RERE: variants seen among roughly 807,000 people sequenced by gnomAD.
The protein encoded by RERE is arginine-glutamic acid dipeptide repeats protein.
RERE carries 40 observed loss-of-function variants against 146.1 expected under a neutral mutation model. The observed-to-expected ratio is 0.27, with a 90% CI of 0.21 to 0.36. RERE has a LOEUF of 0.36. RERE is among the 10% of genes least tolerant of loss of function. The pLI is 1.00. For synonymous variants in RERE, 1,003 were observed against 866.0 expected (o/e 1.16, Z -2.78); for missense variants, 1,933 against 2,138.7 (o/e 0.90, Z 1.90).
chr1:8,433,420 A>C (rs551985265), intron 11 of RERE, among the ~76,000 whole-genome samples: 1 of 152,228 alleles, frequency 6.6e-6, no homozygotes, highest in African/African-American at 2.4e-5. Context: ...CTCTCTGGAC[A>C]TGTGTCTTTG....
rs879793667 is a variant in RERE, at chr1:8,360,255, C to T, written c.3252G>A (p.Ser1084=). The T allele has an allele frequency of 3.2e-5, 51 of 1,575,406 alleles. No individual in the cohort carries two copies. Among genetic ancestry groups the T allele is most frequent in the African/African-American group, 4.1e-5 (3 of 73,944 alleles). Residue 1084 remains serine, a synonymous_variant, in exon 18 of 23, where the codon TCG becomes TCA. Coordinates refer to ENST00000400908, the MANE Select transcript of RERE (RefSeq NM_001042681.2). The part of the protein sequence containing the change: ...AASGGSIAGG[S]SCPLPTVQIK... The stretch of plus-strand genomic sequence containing the variant: ...TCTGGACGGTGGGGAGTGGGCAGGA[C>T]GACCCCCCCGCTATGCTGCCTCCTG...
chr1:8,649,666 G>A (rs1647506907), intron 2 of RERE, among the ~76,000 whole-genome samples: 1 of 150,486 alleles, frequency 6.6e-6, no homozygotes, highest in African/African-American at 2.5e-5. Context: ...GGAGGCGGAG[G>A]TTGCAGTGAG....
intron 7 of RERE, among the ~76,000 whole-genome samples, chr1:8,520,316 C>T (rs1477837863): frequency 6.6e-6 from 1 of 152,114 alleles, no homozygotes; most frequent in Non-Finnish European, 1.5e-5. Context: ...GAGTTAATTA[C>T]TGAAGAAGAC....
chr1:8,359,342 C>T (rs80307790), intron 19 of RERE, among the ~76,000 whole-genome samples: 7,758 of 152,258 alleles, frequency 0.051, 676 homozygotes, highest in African/African-American at 0.18. Context: ...ACCCAGCCCA[C>T]GAGGGGGCCA....
intron 11 of RERE, among the ~76,000 whole-genome samples, chr1:8,437,842 G>A (rs1644191431): frequency 6.6e-6 from 1 of 152,038 alleles, no homozygotes; most frequent in South Asian, 2.1e-4. Flanking sequence ...TCAGATTACT[G>A]CTAACCCAGG....
At chr1:8,487,556 C>T in intron 10 of RERE, among the ~76,000 whole-genome samples, 1 of 152,090 alleles carries the variant, frequency 6.6e-6, no homozygotes, top group Admixed American at 6.6e-5. Flanking sequence ...CCAGCCTGGG[C>T]AATAGACCCT....
chr1:8,641,855 C>T (rs1647183650), intron 2 of RERE, among the ~76,000 whole-genome samples: 1 of 152,160 alleles, frequency 6.6e-6, no homozygotes, highest in African/African-American at 2.4e-5. Context: ...GGCCAGGAGC[C>T]ATCCCCTTTT....
At chr1:8,556,840 T>C (rs1031319198) in intron 5 of RERE, among the ~76,000 whole-genome samples, 1 of 152,060 alleles carries the variant, frequency 6.6e-6, no homozygotes, top group Non-Finnish European at 1.5e-5. Flanking sequence ...TAAGCACAAA[T>C]GGAAAAAGAA....
intron 4 of RERE, among the ~76,000 whole-genome samples, chr1:8,606,511 C>T (rs1036494356): frequency 2.0e-5 from 3 of 152,144 alleles, no homozygotes; most frequent in Non-Finnish European, 4.4e-5. Flanking sequence ...TCAATCTCCT[C>T]ATTTTATGAA....
chr1:8,730,279 G>A (rs377343400), intron 1 of RERE, among the ~76,000 whole-genome samples: 14 of 152,276 alleles, frequency 9.2e-5, no homozygotes, highest in South Asian at 2.1e-4. Flanking sequence ...GTTCTAGTCC[G>A]GGTTTTGACT....
chr1:8,352,835 T>G lies in RERE; in HGVS notation c.*2252A>C, dbSNP rs1177699632. The G allele has an allele frequency of 6.6e-6, 1 of 152,464 alleles. No individual in the cohort carries two copies. Among genetic ancestry groups the G allele is most frequent in the Non-Finnish European group, 1.5e-5 (1 of 68,048 alleles). 9.4% of individuals were successfully genotyped at this position (152,464 alleles called of 1,614,324 possible). A position where few individuals can be genotyped will look rare whatever the true frequency, so the allele number is the denominator to read the frequency against. On this transcript the variant is annotated 3_prime_UTR_variant, in exon 23 of 23. Coordinates refer to ENST00000400908, the MANE Select transcript of RERE (RefSeq NM_001042681.2). ...AATCTCAGCGCTTCGCCTTGGGATATGGGGAGAAAAGCAAAGCTAACAAGA... is the reference window on the plus strand; with the variant it reads ...AATCTCAGCGCTTCGCCTTGGGATAGGGGGAGAAAAGCAAAGCTAACAAGA...
At chr1:8,731,411 G>C (rs1189898089) in intron 1 of RERE, among the ~76,000 whole-genome samples, 2 of 152,194 alleles carry the variant, frequency 1.3e-5, no homozygotes, top group South Asian at 2.1e-4. Context: ...CCTGGGGAAA[G>C]GACAATTACT....
At position 8,360,597 on chromosome 1, in the gene RERE, C is replaced by T; in HGVS notation, c.2910G>A (p.Lys970=). 6.7e-7 allele frequency: 1 copy of T among 1,493,016 alleles called. No individual in the cohort carries two copies. The highest frequency in any genetic ancestry group is 2.4e-5 in the East Asian group (1 of 41,596). 92.5% of individuals were successfully genotyped at this position (1,493,016 alleles called of 1,614,324 possible). Residue 970 remains lysine (K), a synonymous_variant, in exon 18 of 23, where the codon AAG becomes AAA. Coordinates refer to ENST00000400908, the MANE Select transcript of RERE (RefSeq NM_001042681.2). ...GATGTGTGGACAGGGAGCTCAGGGG[C>T]TTCAGGGCTGGAGGGGGAGGCAGGT... ...NANLPPPPAL[K]PLSSLSTHHP...
chr1:8,548,899 G>T (rs977704895), intron 6 of RERE, among the ~76,000 whole-genome samples: 2 of 152,098 alleles, frequency 1.3e-5, no homozygotes, highest in Non-Finnish European at 2.9e-5. Flanking sequence ...GCAGAGAATT[G>T]CATGAACCCA....
At chr1:8,719,695 G>A (rs1639825356) in intron 1 of RERE, among the ~76,000 whole-genome samples, 1 of 152,074 alleles carries the variant, frequency 6.6e-6, no homozygotes, top group Non-Finnish European at 1.5e-5. Flanking sequence ...CTCTGGACAA[G>A]CGAAAGTAAG....
At chr1:8,367,179 C>A (rs1641843155) in intron 12 of RERE, among the ~76,000 whole-genome samples, 1 of 152,160 alleles carries the variant, frequency 6.6e-6, no homozygotes, top group African/African-American at 2.4e-5. Context: ...CTAAAATAGA[C>A]AAACCAAACA....
At chr1:8,430,216 T>C (rs77132113) in intron 11 of RERE, among the ~76,000 whole-genome samples, 2 of 152,298 alleles carry the variant, frequency 1.3e-5, no homozygotes, top group African/African-American at 4.8e-5. Context: ...GTTTTACATA[T>C]TTAACATTTT....
At chr1:8,487,938 T>G (rs928272940) in intron 10 of RERE, among the ~76,000 whole-genome samples, 2 of 152,118 alleles carry the variant, frequency 1.3e-5, no homozygotes, top group Non-Finnish European at 2.9e-5. Flanking sequence ...CCAAAAAATC[T>G]TATTGTAAGA....
chr1:8,587,154 G>A (rs939629429), intron 4 of RERE, among the ~76,000 whole-genome samples: 1 of 152,152 alleles, frequency 6.6e-6, no homozygotes, highest in African/African-American at 2.4e-5. Context: ...AAACCAGGAA[G>A]TCTTCAATTG....
Sources: gnomAD v4.1 joint callset for allele counts (sites outside exome capture counted in the v4.1 genomes callset) on GRCh38, gnomAD v4.1.1 for gene constraint, MANE v1.5 for transcripts, NCBI Gene and HGNC (gene_info 2026-07-23, HGNC 2026-07-21) for gene names.